Variants in TGIF1 observed in about 807,000 individuals in gnomAD.
TGIF1 encodes homeobox protein TGIF1.
In TGIF1, 4 loss-of-function variants were observed where a neutral mutation model predicts 19.3. The observed-to-expected ratio is 0.21, with a 90% CI of 0.10 to 0.47. TGIF1 has a LOEUF of 0.47. Ranked by LOEUF, TGIF1 falls within the 20% of genes least tolerant of loss-of-function variation. TGIF1 has a pLI of 0.98. For synonymous variants in TGIF1, 122 were observed against 129.3 expected (o/e 0.94, Z 0.38); for missense variants, 275 against 341.4 (o/e 0.81, Z 1.53).
At chr18:3,431,291 A>G (rs1314255211) in intron 2 of TGIF1, among the ~76,000 whole-genome samples, 2 of 152,208 alleles carry the variant, frequency 1.3e-5, no homozygotes, top group Non-Finnish European at 2.9e-5. Context: ...TAGTAAAAAT[A>G]TAAGAATTAG....
intron 1 of TGIF1, among the ~76,000 whole-genome samples, chr18:3,414,844 G>T (rs1199904043): frequency 6.6e-6 from 1 of 152,074 alleles, no homozygotes; most frequent in Non-Finnish European, 1.5e-5. Flanking sequence ...AGGAGTTCAA[G>T]GCCAGCCTGG....
chr18:3,438,276 C>T (rs2082639692), intron 2 of TGIF1, among the ~76,000 whole-genome samples: 1 of 151,900 alleles, frequency 6.6e-6, no homozygotes, highest in Non-Finnish European at 1.5e-5. Flanking sequence ...ATGGGATTCT[C>T]GTGAAGCAAA....
upstream of TGIF1, chr18:3,447,802 G>A (rs1187533014): frequency 3.7e-6 from 6 of 1,614,012 alleles, no homozygotes; most frequent in Non-Finnish European, 5.1e-6. Context: ...GCCAAGGTGA[G>A]TTCACATCTC....
chr18:3,438,257 T>C (rs2082639568), intron 2 of TGIF1, among the ~76,000 whole-genome samples: 1 of 152,132 alleles, frequency 6.6e-6, no homozygotes, highest in Non-Finnish European at 1.5e-5. Flanking sequence ...GTTTAGTTTT[T>C]AAAACCAAAT....
Position 3,458,204 on chromosome 18 carries a change from ATTTT to A in TGIF1, c.*271_*274del. The A allele has an allele frequency of 2.5e-6, 1 of 405,196 alleles. No homozygotes were observed. Among genetic ancestry groups the A allele is most frequent in the South Asian group, 3.1e-5 (1 of 32,108 alleles). 25.1% of individuals were successfully genotyped at this position (405,196 alleles called of 1,614,324 possible). On this transcript the variant is annotated 3_prime_UTR_variant, in exon 3 of 3. Coordinates refer to ENST00000343820, the MANE Select transcript of TGIF1 (RefSeq NM_003244.4). ...GTGAGATGGTTCCCAATATCATGTGATTTTTTTTTTCCTCCCCTTCCCTTTTTTT... is the reference window on the plus strand; with the variant it reads ...GTGAGATGGTTCCCAATATCATGTGATTTTTTCCTCCCCTTCCCTTTTTTT...
rs140872083 is a variant in TGIF1 at position 3,430,807 on chromosome 18, C to T, written c.-45+12592C>T. 2.3e-3 allele frequency among the ~76,000 whole-genome samples: 349 copies of T among 152,150 alleles called. 2 individuals are homozygous for T. The highest frequency in any genetic ancestry group is 7.8e-3 in the African/African-American group (324 of 41,514). ...GATTATAGGCACAAGCCACTGCACC[C>T]GGCTAGTTTTAGTGTCTAATGCAGT... On this transcript the variant is annotated intron_variant, in intron 2 of 3. Transcript: ENST00000401449.
At chr18:3,453,829 C>T (rs369280707) in intron 1 of TGIF1, 6 of 985,324 alleles carry the variant, frequency 6.1e-6, no homozygotes, top group Non-Finnish European at 6.0e-6. Context: ...CCTGCCCCCA[C>T]CCTCCCCACC....
chr18:3,414,139 A>G (rs2082302953), intron 1 of TGIF1, among the ~76,000 whole-genome samples: 1 of 152,184 alleles, frequency 6.6e-6, no homozygotes, highest in African/African-American at 2.4e-5. Context: ...CCTCTTCCCA[A>G]GGCTGTGTGT....
At chr18:3,425,256 G>C (rs1568031103) in intron 2 of TGIF1, among the ~76,000 whole-genome samples, 1 of 152,202 alleles carries the variant, frequency 6.6e-6, no homozygotes, top group Non-Finnish European at 1.5e-5. Context: ...TCACAGACTG[G>C]CTGTCCTTGC....
intron 2 of TGIF1, among the ~76,000 whole-genome samples, chr18:3,420,861 A>T (rs1477976684): frequency 6.6e-6 from 1 of 152,222 alleles, no homozygotes; most frequent in African/African-American, 2.4e-5. Context: ...TGTAAGACTG[A>T]TGAACCAAAG....
At chr18:3,439,305 T>C (rs1262212292) in intron 2 of TGIF1, among the ~76,000 whole-genome samples, 2 of 152,108 alleles carry the variant, frequency 1.3e-5, no homozygotes, top group Non-Finnish European at 2.9e-5. Context: ...AAAAACACTC[T>C]GGACACAACA....
In TGIF1 at chr18:3,421,265, A is replaced by G. The variant is rs1057283521; in HGVS notation, c.-45+3050A>G. On this transcript the variant is annotated intron_variant, in intron 2 of 3. Coordinates refer to the TGIF1 transcript ENST00000401449. ...CATTTATATATAGTATATAAAATAT[A>G]TATATATTTGAGATGGAGTTTGCGT... 2.0e-5 allele frequency among the ~76,000 whole-genome samples: 3 copies of G among 148,378 alleles called. No homozygotes were observed. The South Asian group carries it at 6.3e-4, about 31-fold the overall frequency.
At chr18:3,413,827 A>G (rs1044424316) in intron 1 of TGIF1, among the ~76,000 whole-genome samples, 1 of 152,222 alleles carries the variant, frequency 6.6e-6, no homozygotes, top group African/African-American at 2.4e-5. Context: ...AATTCATTCT[A>G]TGGCTGCCGT....
rs367934660 is a variant in TGIF1, at chr18:3,451,487, G to C, written c.16+982G>C. ...GTGGGCTGGAGGTGGCGTTTCTGTC[G>C]TGATTTATGTGGAGTGGTTCAAAAC... On this transcript the variant is annotated intron_variant, in intron 1 of 2. Transcript: ENST00000343820. The surrounding 1 kb of genome is among the most constrained non-coding windows in gnomAD (Gnocchi z 5.4). 6.1e-6 allele frequency: 6 copies of C among 988,568 alleles called. No homozygotes were observed. Among genetic ancestry groups the C allele is most frequent in the South Asian group, 9.4e-5 (2 of 21,334 alleles). The allele number at this position is 988,568 out of a possible 1,614,324, so 61.2% of individuals were successfully genotyped here. A position where few individuals can be genotyped will look rare whatever the true frequency, so the allele number is the denominator to read the frequency against.
intron 2 of TGIF1, among the ~76,000 whole-genome samples, chr18:3,430,324 TGCAGAAA>T (rs1329047330): frequency 1.3e-5 from 2 of 152,182 alleles, no homozygotes; most frequent in African/African-American, 2.4e-5. Flanking sequence ...TAAAGAGATT[TGCAGAAA>T]TATAAAACAA....
chr18:3,442,096 T>C (rs2082682911), intron 2 of TGIF1, among the ~76,000 whole-genome samples: 1 of 152,236 alleles, frequency 6.6e-6, no homozygotes, highest in Admixed American at 6.5e-5. Context: ...CATCTTTATA[T>C]AACTTTCACT....
chr18:3,451,356 G>T lies in TGIF1; in HGVS notation c.16+851G>T. 1 of 985,044 alleles carries T rather than the reference G, an allele frequency of 1.0e-6. No homozygotes were observed. Among genetic ancestry groups the T allele is most frequent in the Non-Finnish European group, 1.2e-6 (1 of 829,914 alleles). The allele number at this position is 985,044 out of a possible 1,614,324, so 61.0% of individuals were successfully genotyped here. The stretch of plus-strand genomic sequence containing the variant: ...ACAAAATACACCGGAGGGGGACGGG[G>T]GGTGGAGAAACCACACAAAACACCC... On this transcript the variant is annotated intron_variant, in intron 1 of 2. Transcript: ENST00000343820. This position sits in a 1 kb window ranked among gnomAD's most constrained non-coding sequence, Gnocchi z 5.4.
At chr18:3,440,548 G>C (rs1038927029) in intron 2 of TGIF1, among the ~76,000 whole-genome samples, 2 of 152,086 alleles carry the variant, frequency 1.3e-5, no homozygotes, top group Non-Finnish European at 2.9e-5. Context: ...AACCACTAAT[G>C]GCTCTTGGAC....
chr18:3,424,161 T>C (rs902675926), intron 2 of TGIF1, among the ~76,000 whole-genome samples: 4 of 152,208 alleles, frequency 2.6e-5, no homozygotes, highest in Non-Finnish European at 5.9e-5. Context: ...ACATATCTCA[T>C]TGTATTGTAG....
Sources: allele counts gnomAD v4.1 joint callset (sites outside exome capture counted in the v4.1 genomes callset), GRCh38; gene constraint gnomAD v4.1.1; non-coding constraint Gnocchi (gnomAD v3.1); transcripts MANE v1.5; gene names NCBI Gene and HGNC (gene_info 2026-07-23, HGNC 2026-07-21).